The following HLCS variants were observed in gnomAD, a reference collection of about 807,000 sequenced individuals.
The protein encoded by HLCS is holocarboxylase synthetase, also known as biotin--protein ligase.
A neutral mutation model predicts 75.0 loss-of-function variants in HLCS; 53 were observed. The ratio of observed to expected loss-of-function variants is 0.71; its 90% CI spans 0.57 to 0.89. The LOEUF (loss-of-function observed/expected upper bound fraction) is 0.89, where lower values mean the gene tolerates loss of function less well. Among genes scored for constraint, HLCS ranks in the 40% least tolerant of loss-of-function variants. The pLI is 0.00. For missense variants in HLCS, 966 were observed against 1,074.0 expected, an observed-to-expected ratio of 0.90 and a Z score of 1.41; for synonymous variants, 431 against 428.6, an observed-to-expected ratio of 1.01 and a Z score of -0.07.
chr21:36,958,240 CAAAAAAAAAAAAAAAAGAA>C (rs1251191657), intron 2 of HLCS, among the ~76,000 whole-genome samples: 1 of 133,264 alleles, frequency 7.5e-6, no homozygotes, highest in African/African-American at 2.9e-5. Flanking sequence ...GAGACTGTCT[CAAAAAAAAAAAAAAAAGAA>C]AGAAAGAAAG....
At chr21:36,775,833 C>T (rs564831559) in intron 6 of HLCS, among the ~76,000 whole-genome samples, 3 of 152,346 alleles carry the variant, frequency 2.0e-5, no homozygotes, top group Non-Finnish European at 2.9e-5. Context: ...CACCGACTCA[C>T]GTGGACGACA....
At chr21:36,760,625 A>AG (rs1384607527) in intron 8 of HLCS, among the ~76,000 whole-genome samples, 1 of 151,666 alleles carries the variant, frequency 6.6e-6, no homozygotes, top group Non-Finnish European at 1.5e-5. Flanking sequence ...AAAAAAAAAA[A>AG]GAATGCTGTG....
At chr21:36,805,807 C>T (rs953820320) in intron 6 of HLCS, among the ~76,000 whole-genome samples, 10 of 152,156 alleles carry the variant, frequency 6.6e-5, no homozygotes, top group African/African-American at 1.4e-4. Flanking sequence ...AGCATAGAGG[C>T]GTCCATCACT....
chr21:36,934,381 T>C (rs984168642), intron 4 of HLCS, among the ~76,000 whole-genome samples: 3 of 152,174 alleles, frequency 2.0e-5, no homozygotes, highest in Admixed American at 6.5e-5. Context: ...AAAATGTCAA[T>C]AGTGCCATGG....
chr21:36,838,164 G>T (rs933773896), intron 6 of HLCS, among the ~76,000 whole-genome samples: 1 of 152,034 alleles, frequency 6.6e-6, no homozygotes. Context: ...GGAGCCCAAC[G>T]CTGGGACGCA....
chr21:36,971,488 C>A (rs544766202), upstream of HLCS, among the ~76,000 whole-genome samples: 82 of 152,164 alleles, frequency 5.4e-4, no homozygotes, highest in Middle Eastern at 0.01. Context: ...CAAATCAGGA[C>A]GATTTGAGTA....
At chr21:36,960,711 A>G (rs2068245503) in intron 2 of HLCS, among the ~76,000 whole-genome samples, 1 of 152,226 alleles carries the variant, frequency 6.6e-6, no homozygotes, top group East Asian at 1.9e-4. Flanking sequence ...GGCTAGCATC[A>G]GCAAAATCCC....
chr21:36,936,735 A>G lies in HLCS; in HGVS notation c.1151T>C (p.Leu384Pro), dbSNP rs119103227. The G allele has an allele frequency of 1.9e-6, 3 of 1,614,236 alleles. No homozygotes were observed. The East Asian group carries it at 6.7e-5, about 36-fold the overall frequency. Residue 384 changes from leucine (L) to proline (P), a missense_variant, in exon 4 of 11, where the codon CTT becomes CCT. Transcript: ENST00000674895. Reference sequence around the variant, plus strand: ...GCCCAACACCTTCCCTCCCTGAGAAAGATAGGCCATGAACTTCTGGTACAG... The same window carrying G: ...GCCCAACACCTTCCCTCCCTGAGAAGGATAGGCCATGAACTTCTGGTACAG... Reference protein sequence around the residue: ...EDLYQKFMAYLSQGGKVLGLS... With the variant: ...EDLYQKFMAYPSQGGKVLGLS...
chr21:36,875,632 G>C (rs2063941273), intron 6 of HLCS, among the ~76,000 whole-genome samples: 1 of 152,196 alleles, frequency 6.6e-6, no homozygotes, highest in Non-Finnish European at 1.5e-5. Flanking sequence ...CTGCAGGAAG[G>C]AGCTACCCAC....
intron 6 of HLCS, among the ~76,000 whole-genome samples, chr21:36,832,517 A>C (rs2062247941): frequency 6.6e-6 from 1 of 152,234 alleles, no homozygotes; most frequent in African/African-American, 2.4e-5. Context: ...AGATTAGCAC[A>C]TGCCAGACAC....
At chr21:36,949,805 G>A (rs1041116176) in intron 2 of HLCS, among the ~76,000 whole-genome samples, 3 of 152,200 alleles carry the variant, frequency 2.0e-5, no homozygotes, top group Non-Finnish European at 1.5e-5. Flanking sequence ...ACAGCGCAGC[G>A]AACCTGCTGA....
intron 5 of HLCS, among the ~76,000 whole-genome samples, chr21:36,917,497 T>A (rs1435162351): frequency 6.6e-6 from 1 of 152,118 alleles, no homozygotes; most frequent in Non-Finnish European, 1.5e-5. Flanking sequence ...GCAGAATCAG[T>A]GCATTAATAA....
intron 6 of HLCS, among the ~76,000 whole-genome samples, chr21:36,793,473 T>C (rs2060934795): frequency 1.3e-5 from 2 of 151,952 alleles, no homozygotes; most frequent in Non-Finnish European, 2.9e-5. Context: ...AAATAATTTT[T>C]GTATTTTTAG....
chr21:36,963,622 C>T (rs1395976023), intron 1 of HLCS, among the ~76,000 whole-genome samples: 2 of 152,024 alleles, frequency 1.3e-5, no homozygotes, highest in African/African-American at 2.4e-5. Context: ...CATGGTGGTG[C>T]ATGCCTGTAA....
At chr21:36,762,276 A>G (rs1379050758) in intron 8 of HLCS, among the ~76,000 whole-genome samples, 1 of 152,204 alleles carries the variant, frequency 6.6e-6, no homozygotes, top group African/African-American at 2.4e-5. Context: ...AGCTGGAAGT[A>G]GCTGGAGGGT....
In HLCS at chr21:36,978,896, G is replaced by A. The variant is rs11910240; in HGVS notation, c.-393+11262C>T. 7.1e-3 allele frequency among the ~76,000 whole-genome samples: 1,086 copies of A among 152,234 alleles called. 15 individuals are homozygous for A. Among genetic ancestry groups the A allele is most frequent in the African/African-American group, 0.025 (1,054 of 41,532 alleles). On this transcript the variant is annotated intron_variant, in intron 1 of 11. Coordinates refer to the HLCS transcript ENST00000336648. ...GGGGCCAGTGAGTCACATGACAACC[G>A]AATTTCTCCTCTGCCAATCTGAACA... is the stretch of plus-strand genomic sequence containing the variant.
intron 1 of HLCS, among the ~76,000 whole-genome samples, chr21:36,983,633 C>T (rs931524187): frequency 5.9e-5 from 9 of 151,274 alleles, no homozygotes; most frequent in East Asian, 4.0e-4. Flanking sequence ...GTCAGGAGAT[C>T]GAGACCATCC....
intron 6 of HLCS, among the ~76,000 whole-genome samples, chr21:36,894,169 C>T (rs1272879011): frequency 5.9e-5 from 9 of 152,148 alleles, no homozygotes; most frequent in African/African-American, 2.2e-4. Context: ...TCATGTAGGA[C>T]GTGCCTGCTT....
chr21:36,910,697 A>G (rs1281308616), intron 5 of HLCS, among the ~76,000 whole-genome samples: 1 of 152,106 alleles, frequency 6.6e-6, no homozygotes, highest in African/African-American at 2.4e-5. Flanking sequence ...GGTTTGCGAA[A>G]TGCCTGTCTG....
Sources: gnomAD v4.1 joint callset for allele counts (sites outside exome capture counted in the v4.1 genomes callset) on GRCh38, gnomAD v4.1.1 for gene constraint, MANE v1.5 for transcripts, NCBI Gene and HGNC (gene_info 2026-07-23, HGNC 2026-07-21) for gene names.